The following RYR3 variants were observed in gnomAD, a reference collection of about 807,000 sequenced individuals.
RYR3 encodes the protein ryanodine receptor 3, also known as brain ryanodine receptor-calcium release channel.
Under a neutral mutation model 584.3 loss-of-function variants are expected in RYR3, and 207 were observed. The observed-to-expected ratio is 0.35, with a 90% CI of 0.32 to 0.40. The LOEUF (loss-of-function observed/expected upper bound fraction) is 0.40, where lower values mean the gene tolerates loss of function less well. Ranked by LOEUF, RYR3 falls within the 10% of genes least tolerant of loss-of-function variation. The probability of loss-of-function intolerance (pLI) is 1.00; values close to 1 mark genes in which losing one functional copy is unlikely to be tolerated. For synonymous variants in RYR3, 2,416 were observed against 2,248.5 expected (o/e 1.07, Z -2.11); for missense variants, 5,616 against 6,089.2 (o/e 0.92, Z 2.59).
At chr15:33,635,873 A>G (rs1430667564) in intron 26 of RYR3, 54 bp downstream of exon 26, 34 of 1,493,452 alleles carry the variant, frequency 2.3e-5, no homozygotes, top group Non-Finnish European at 2.9e-5. Flanking sequence ...TTCCTTCTCC[A>G]AACATTTTTC....
At chr15:33,479,811 A>T (rs906576393) in intron 2 of RYR3, among the ~76,000 whole-genome samples, 1 of 152,172 alleles carries the variant, frequency 6.6e-6, no homozygotes, top group Non-Finnish European at 1.5e-5. Context: ...CCCCTCCCAC[A>T]ACTTTTCTAC....
Position 33,662,662 on chromosome 15 carries a change from G to A in RYR3, c.5132G>A (p.Arg1711Gln), listed in dbSNP as rs1462278259. 7 of 1,614,116 alleles carry A rather than the reference G, an allele frequency of 4.3e-6. No homozygotes were observed. The Admixed American group carries it at 5.0e-5, about 12-fold the overall frequency. Residue 1711 changes from arginine to glutamine, a missense_variant, in exon 35 of 104, where the codon CGA (arginine) becomes CAA (glutamine). Arg to Gln is a conservative substitution (Grantham distance 43, BLOSUM62 1). Transcript: ENST00000634891. ...EAVQCSGAHI[R>Q]DPVGGSVEFQ... is the part of the protein sequence containing the mutation. Reference sequence around the variant, plus strand: ...GTGCAGTGCAGCGGGGCCCACATCCGAGACCCTGTAGGGGGGTCTGTGGAG... The same window carrying A: ...GTGCAGTGCAGCGGGGCCCACATCCAAGACCCTGTAGGGGGGTCTGTGGAG...
intron 74 of RYR3, among the ~76,000 whole-genome samples, chr15:33,816,312 A>G (rs1327697013): frequency 6.6e-6 from 1 of 152,232 alleles, no homozygotes; most frequent in Non-Finnish European, 1.5e-5. Flanking sequence ...TGCGGCACAC[A>G]GAAAATATGC....
chr15:33,437,784 G>A lies in RYR3; in HGVS notation c.52-35635G>A, dbSNP rs112590529. On this transcript the variant is annotated intron_variant, in intron 1 of 103. Transcript: ENST00000634891. ...GTCTTTCTCAGTCTCCAAGGCTGGG[G>A]TGCAGTGGCACAGTCATGGCTCACT... 1.6e-3 allele frequency among the ~76,000 whole-genome samples: 240 copies of A among 152,172 alleles called. 1 individual carries two copies. Among genetic ancestry groups the A allele is most frequent in the African/African-American group, 5.4e-3 (225 of 41,526 alleles).
chr15:33,477,346 G>A (rs1400454833), intron 2 of RYR3, among the ~76,000 whole-genome samples: 1 of 152,112 alleles, frequency 6.6e-6, no homozygotes, highest in South Asian at 2.1e-4. Flanking sequence ...GCAAAGGAGT[G>A]AGAGGATAGA....
intron 16 of RYR3, among the ~76,000 whole-genome samples, chr15:33,598,849 C>T (rs199774552): frequency 1.3e-5 from 2 of 151,884 alleles, no homozygotes; most frequent in Non-Finnish European, 2.9e-5. Flanking sequence ...GTCAGGAGAT[C>T]GAGACCATCC....
rs138396801 is a variant in RYR3, at chr15:33,346,765, G to A, written c.51+35669G>A. ...GGGGGCCTCCAGCATAATCGTGCTT[G>A]CTTTATTTGTAAAGGCCCTAAAAGC... is the stretch of plus-strand genomic sequence containing the variant. On this transcript the variant is annotated intron_variant, in intron 1 of 103. Transcript: ENST00000634891. 5.1e-3 allele frequency among the ~76,000 whole-genome samples: 775 copies of A among 152,228 alleles called. 6 individuals are homozygous for A. The highest frequency in any genetic ancestry group is 0.018 in the African/African-American group (740 of 41,526).
chr15:33,669,712 C>T (rs968036786), intron 37 of RYR3, among the ~76,000 whole-genome samples: 1 of 152,044 alleles, frequency 6.6e-6, no homozygotes, highest in African/African-American at 2.4e-5. Context: ...GGGTTTCTAG[C>T]AAAAGAATGA....
intron 27 of RYR3, among the ~76,000 whole-genome samples, chr15:33,641,935 A>C (rs990610553): frequency 6.6e-6 from 1 of 151,750 alleles, no homozygotes. Flanking sequence ...CTGAAGACTC[A>C]CTCCCTCTCA....
intron 20 of RYR3, among the ~76,000 whole-genome samples, chr15:33,626,615 C>T (rs1458195100): frequency 1.3e-5 from 2 of 152,178 alleles, no homozygotes; most frequent in African/African-American, 4.8e-5. Context: ...GTAGCCCCTC[C>T]CAGAGGCCTA....
In RYR3 at chr15:33,738,474, T is replaced by C. The variant is rs772966496; in HGVS notation, c.7540T>C (p.Cys2514Arg). ...LKLLTNHYEQ[C>R]WKYYCLPSGW... is the part of the protein sequence containing the mutation. Reference sequence around the variant, plus strand: ...GCTTCTGACGAATCACTATGAACAGTGTTGGAAGTATTACTGCCTGCCTTC... The same window carrying C: ...GCTTCTGACGAATCACTATGAACAGCGTTGGAAGTATTACTGCCTGCCTTC... Residue 2514 changes from cysteine (C) to arginine (R), a missense_variant, in exon 50 of 104, where the codon TGT becomes CGT. Coordinates refer to ENST00000634891, the MANE Select transcript of RYR3 (RefSeq NM_001036.6). 17 of 1,613,752 alleles carry C rather than the reference T, an allele frequency of 1.1e-5. No individual in the cohort carries two copies. Among genetic ancestry groups the C allele is most frequent in the Non-Finnish European group, 1.4e-5 (16 of 1,179,840 alleles).
chr15:33,313,065 C>G (rs750926401), intron 1 of RYR3, among the ~76,000 whole-genome samples: 1 of 152,108 alleles, frequency 6.6e-6, no homozygotes, highest in African/African-American at 2.4e-5. Context: ...TGGCTTAGAG[C>G]GAGTGATGGT....
At chr15:33,728,160 G>A (rs191835044) in intron 46 of RYR3, among the ~76,000 whole-genome samples, 146 of 152,084 alleles carry the variant, frequency 9.6e-4, no homozygotes, top group African/African-American at 3.4e-3. Flanking sequence ...GCAATAAATC[G>A]AGCCCTGATT....
chr15:33,734,287 C>G (rs771819050), intron 48 of RYR3, among the ~76,000 whole-genome samples: 1 of 152,144 alleles, frequency 6.6e-6, no homozygotes, highest in Non-Finnish European at 1.5e-5. Flanking sequence ...TCAAGAGAGA[C>G]AAATTTCAGT....
chr15:33,748,597 AG>A, intron 55 of RYR3, 67 bp downstream of exon 55: 1 of 1,337,146 alleles, frequency 7.5e-7, no homozygotes, highest in Non-Finnish European at 1.1e-6. Context: ...AAAGAGTTAA[AG>A]GGGGAAAAAA....
At chr15:33,465,363 C>G (rs1418858670) in intron 1 of RYR3, among the ~76,000 whole-genome samples, 2 of 152,028 alleles carry the variant, frequency 1.3e-5, no homozygotes, top group Non-Finnish European at 2.9e-5. Flanking sequence ...TGAAAACCCA[C>G]CTTGCTGTTT....
chr15:33,842,007 G>A lies in RYR3; in HGVS notation c.13181G>A (p.Gly4394Glu), dbSNP rs760092283. The change falls in exon 91 of 104, where the codon GGG (glycine) becomes GAG (glutamate). Residue 4394 changes from glycine (G) to glutamate (E), a missense_variant. By Grantham distance (98) the Gly-to-Glu change is moderately conservative. This residue lies in a region of RYR3 where 918 missense variants were observed against 887.4 expected (regional missense o/e 1.03). Transcript: ENST00000634891. ...GCTTTCACAGCCAATTTCTTTAAAG[G>A]GCTGGAAATCTATCAGACCAAGTTA... ...PEAFTANFFK[G>E]LEIYQTKLLH... 1 of 1,602,882 alleles carries A rather than the reference G, an allele frequency of 6.2e-7. No homozygotes were observed.
At chr15:33,398,425 C>A (rs553439139) in intron 1 of RYR3, among the ~76,000 whole-genome samples, 1 of 152,064 alleles carries the variant, frequency 6.6e-6, no homozygotes, top group African/African-American at 2.4e-5. Context: ...GAATGGTGTT[C>A]GGCAACTTCA....
chr15:33,620,211 C>A (rs781481100), intron 19 of RYR3, among the ~76,000 whole-genome samples: 10 of 152,142 alleles, frequency 6.6e-5, no homozygotes, highest in Non-Finnish European at 1.2e-4. Flanking sequence ...CCATGCAGCC[C>A]TTTCTCACAC....
Sources: gnomAD v4.1 joint callset for allele counts (sites outside exome capture counted in the v4.1 genomes callset) on GRCh38, gnomAD v4.1.1 for gene constraint, gnomAD v4.1.1 regional missense constraint, MANE v1.5 for transcripts, NCBI Gene and HGNC (gene_info 2026-07-23, HGNC 2026-07-21) for gene names.